Variants in DNAAF5 observed in about 807,000 individuals in gnomAD.
The protein encoded by DNAAF5 is dynein axonemal assembly factor 5.
A neutral mutation model predicts 75.8 loss-of-function variants in DNAAF5; 64 were observed. The observed-to-expected ratio is 0.84, with a 90% CI of 0.69 to 1.04. The LOEUF is 1.04. Among genes scored for constraint, DNAAF5 ranks in the 50% least tolerant of loss-of-function variants. DNAAF5 has a pLI of 0.00. For synonymous variants in DNAAF5, 657 were observed against 557.2 expected, an observed-to-expected ratio of 1.18 and a Z score of -2.52; for missense variants, 1,269 against 1,178.5, an observed-to-expected ratio of 1.08 and a Z score of -1.12.
chr7:777,948 C>T (rs1348877721), intron 11 of DNAAF5, among the ~76,000 whole-genome samples: 1 of 152,148 alleles, frequency 6.6e-6, no homozygotes, highest in Non-Finnish European at 1.5e-5. Context: ...CCGGGCTTTT[C>T]TGAATCCCAG....
chr7:745,048 G>A (rs73256297), intron 4 of DNAAF5, among the ~76,000 whole-genome samples: 1 of 152,196 alleles, frequency 6.6e-6, no homozygotes, highest in Admixed American at 6.5e-5. Context: ...CCCTCCAGCC[G>A]CCTGTGGTGG....
intron 9 of DNAAF5, chr7:771,419 G>C (rs1778560681): frequency 6.6e-6 from 1 of 152,334 alleles, no homozygotes; most frequent in Non-Finnish European, 1.5e-5. Flanking sequence ...TGTGCGGCTG[G>C]ATCTGGGCTG....
chr7:749,391 A>G (rs1383177812), intron 4 of DNAAF5, among the ~76,000 whole-genome samples: 1 of 152,174 alleles, frequency 6.6e-6, no homozygotes, highest in Non-Finnish European at 1.5e-5. Context: ...AGCTTTTCAC[A>G]CAGGAGGACA....
chr7:728,525 C>T (rs1264818743), intron 1 of DNAAF5, among the ~76,000 whole-genome samples: 1 of 152,234 alleles, frequency 6.6e-6, no homozygotes. Flanking sequence ...TTGGATTTCA[C>T]ATGGTCCAGA....
In DNAAF5 at chr7:761,821, C is replaced by T. The variant is rs577043545; in HGVS notation, c.1539C>T (p.Gly513=). 385 of 1,606,994 alleles carry T rather than the reference C, an allele frequency of 2.4e-4. 2 individuals carry two copies. The South Asian group carries it at 4.1e-3, about 17-fold the overall frequency. Residue 513 remains glycine (G), a synonymous_variant, in exon 7 of 13, where the codon GGC becomes GGT. Coordinates refer to ENST00000297440, the MANE Select transcript of DNAAF5 (RefSeq NM_017802.4). ...ALVSVCHEDC[G]VASLQLLDVL... ...TGTCTGTGTGTCATGAGGACTGTGG[C>T]GTGGCCAGCCTGCAGCTCTTGGACG...
At chr7:746,225 C>T (rs1242122675) in intron 4 of DNAAF5, among the ~76,000 whole-genome samples, 1 of 151,926 alleles carries the variant, frequency 6.6e-6, no homozygotes, top group Non-Finnish European at 1.5e-5. Flanking sequence ...TCCTGCCACC[C>T]CCCGCCTGCC....
intron 6 of DNAAF5, among the ~76,000 whole-genome samples, chr7:757,483 A>G (rs1413141149): frequency 1.5e-5 from 2 of 132,922 alleles, no homozygotes; most frequent in Non-Finnish European, 1.8e-5. Context: ...GCACGTCCTC[A>G]GGGGGCACTG....
Position 727,189 on chromosome 7 carries a change from G to A in DNAAF5, c.469G>A (p.Gly157Ser), listed in dbSNP as rs529557801. 3 of 1,343,172 alleles carry A rather than the reference G, an allele frequency of 2.2e-6. No homozygotes were observed. Among genetic ancestry groups the A allele is most frequent in the Non-Finnish European group, 2.9e-6 (3 of 1,043,246 alleles). The allele number at this position is 1,343,172 out of a possible 1,614,324, so 83.2% of individuals were successfully genotyped here. Residue 157 changes from glycine to serine, a missense_variant, in exon 1 of 13, where the codon GGC becomes AGC. Coordinates refer to ENST00000297440, the MANE Select transcript of DNAAF5 (RefSeq NM_017802.4). ...QLLGLAVDLCGAALAPHLDDA... is the reference protein window; with the variant it reads ...QLLGLAVDLCSAALAPHLDDA... ...GCTGGGCCTGGCCGTGGACCTGTGC[G>A]GCGCCGCGCTCGCGCCCCACCTGGA...
rs1295733084 is a variant in DNAAF5 at position 754,470 on chromosome 7, T to A, written c.1025-119T>A. 7 of 850,318 alleles carry A rather than the reference T, an allele frequency of 8.2e-6. No homozygotes were observed. Among genetic ancestry groups the A allele is most frequent in the Non-Finnish European group, 1.4e-5 (7 of 513,294 alleles). The allele number at this position is 850,318 out of a possible 1,614,324, so 52.7% of individuals were successfully genotyped here. A position where few individuals can be genotyped will look rare whatever the true frequency, so the allele number is the denominator to read the frequency against. On this transcript the variant is annotated intron_variant, in intron 4 of 12. Transcript: ENST00000297440. This position sits in a 1 kb window ranked among gnomAD's most constrained non-coding sequence, Gnocchi z 4.8. ...GTCAGCTTTGCGTCCACCCCAAGAC[T>A]TGTTTTGAAATGGTGAGGTTGAAAC...
intron 4 of DNAAF5, among the ~76,000 whole-genome samples, chr7:746,175 G>C (rs957030057): frequency 6.6e-6 from 1 of 152,052 alleles, no homozygotes; most frequent in South Asian, 2.1e-4. Flanking sequence ...TCAGAAGTTT[G>C]CACTGGCCCT....
At chr7:783,581 C>T (rs2128087815) in intron 12 of DNAAF5, among the ~76,000 whole-genome samples, 1 of 152,300 alleles carries the variant, frequency 6.6e-6, no homozygotes, top group South Asian at 2.1e-4. Flanking sequence ...TGATCCACGG[C>T]GGGGCCCGTG....
At chr7:748,365 A>G (rs1327537463) in intron 4 of DNAAF5, among the ~76,000 whole-genome samples, 1 of 152,136 alleles carries the variant, frequency 6.6e-6, no homozygotes, top group East Asian at 1.9e-4. Context: ...GCGATTCCCT[A>G]ATGAGAGGAC....
rs769915238 is a variant in DNAAF5 at position 754,679 on chromosome 7, T to C, written c.1115T>C (p.Val372Ala). The change falls in exon 5 of 13, where the codon GTG becomes GCG. Residue 372 changes from valine to alanine, a missense_variant. Coordinates refer to ENST00000297440, the MANE Select transcript of DNAAF5 (RefSeq NM_017802.4). This position sits in a 1 kb window ranked among gnomAD's most constrained non-coding sequence, Gnocchi z 4.8. ...PALCHDITDWVVGTRVKSAQL... is the reference protein window; with the variant it reads ...PALCHDITDWAVGTRVKSAQL... ...CTGTGCCACGACATCACCGACTGGG[T>C]GGTGGGGACCCGAGTGAAGTCGGCA... 1.9e-6 allele frequency: 3 copies of C among 1,614,084 alleles called. No individual in the cohort carries two copies. The highest frequency in any genetic ancestry group is 1.7e-6 in the Non-Finnish European group (2 of 1,180,014).
At position 774,274 on chromosome 7, in the gene DNAAF5, G is replaced by A. The variant is rs932223571; in HGVS notation, c.2082+76G>A. On this transcript the variant is annotated intron_variant, in intron 10 of 12. Coordinates refer to ENST00000297440, the MANE Select transcript of DNAAF5 (RefSeq NM_017802.4). ...CTTCCTGGCGCCCGGCAGAGCTCCC[G>A]CAGCAGGAACTTGGGCAGGCAGCAG... The A allele has an allele frequency of 1.2e-5, 17 of 1,441,440 alleles. No individual in the cohort carries two copies. The African/African-American group carries it at 1.9e-4, about 16-fold the overall frequency. The allele number at this position is 1,441,440 out of a possible 1,614,324, so 89.3% of individuals were successfully genotyped here.
intron 2 of DNAAF5, among the ~76,000 whole-genome samples, chr7:731,831 G>A (rs998690482): frequency 1.3e-5 from 2 of 152,072 alleles, no homozygotes; most frequent in Admixed American, 6.5e-5. Flanking sequence ...CGTGAGTTTC[G>A]TGTGGAGTCA....
chr7:732,096 G>A (rs1275346126), intron 2 of DNAAF5, among the ~76,000 whole-genome samples: 3 of 152,254 alleles, frequency 2.0e-5, no homozygotes, highest in African/African-American at 7.2e-5. Context: ...AAGGCTCAGA[G>A]GCCTCAGAGC....
chr7:767,257 G>C (rs191324030), intron 8 of DNAAF5, among the ~76,000 whole-genome samples: 6 of 141,082 alleles, frequency 4.3e-5, no homozygotes, highest in Non-Finnish European at 9.1e-5. Flanking sequence ...AAAAAAAAAA[G>C]ACTGTAGGGT....
Position 726,899 on chromosome 7 carries a change from C to A in DNAAF5, c.179C>A (p.Pro60Gln). ...LEALRRALEE[P>Q]GPAADPTAFQ... is the part of the protein sequence containing the mutation. ...GCCCTGCGGCGCGCGCTGGAGGAGCCAGGCCCTGCCGCCGACCCCACCGCT... is the reference window on the plus strand; with the variant it reads ...GCCCTGCGGCGCGCGCTGGAGGAGCAAGGCCCTGCCGCCGACCCCACCGCT... Residue 60 changes from proline to glutamine, a missense_variant, in exon 1 of 13, where the codon CCA becomes CAA. Physicochemically the swap from Pro to Gln is moderately conservative, Grantham distance 76. Transcript: ENST00000297440. 1 of 1,345,076 alleles carries A rather than the reference C, an allele frequency of 7.4e-7. No homozygotes were observed. The highest frequency in any genetic ancestry group is 9.5e-7 in the Non-Finnish European group (1 of 1,048,014). The allele number at this position is 1,345,076 out of a possible 1,614,324, so 83.3% of individuals were successfully genotyped here. A position where few individuals can be genotyped will look rare whatever the true frequency, so the allele number is the denominator to read the frequency against.
intron 2 of DNAAF5, among the ~76,000 whole-genome samples, chr7:740,402 C>T (rs1204410505): frequency 6.6e-6 from 1 of 152,204 alleles, no homozygotes; most frequent in Non-Finnish European, 1.5e-5. Context: ...TTGCTGTAGC[C>T]ACGGCTCACC....
Sources: gnomAD v4.1 joint callset for allele counts (sites outside exome capture counted in the v4.1 genomes callset) on GRCh38, gnomAD v4.1.1 for gene constraint, Gnocchi (gnomAD v3.1) non-coding constraint, MANE v1.5 for transcripts, NCBI Gene and HGNC (gene_info 2026-07-23, HGNC 2026-07-21) for gene names.